The following PRKN variants were observed in gnomAD, a reference collection of about 807,000 sequenced individuals.
PRKN encodes the protein E3 ubiquitin-protein ligase parkin.
PRKN carries 56 observed loss-of-function variants against 59.5 expected under a neutral mutation model. The ratio of observed to expected loss-of-function variants is 0.94; its 90% CI spans 0.76 to 1.18. The LOEUF (loss-of-function observed/expected upper bound fraction) is 1.18. Ranked by LOEUF, PRKN falls within the 50% of genes most tolerant of loss-of-function variation. PRKN has a pLI of 0.00. For synonymous variants in PRKN, 250 were observed against 222.1 expected (o/e 1.13, Z -1.12); for missense variants, 657 against 596.4 (o/e 1.10, Z -1.06).
At chr6:162,388,198 T>C (rs1018516302) in intron 2 of PRKN, among the ~76,000 whole-genome samples, 2 of 152,092 alleles carry the variant, frequency 1.3e-5, no homozygotes, top group African/African-American at 2.4e-5. Flanking sequence ...AGGAGGGTGT[T>C]GGCAGCGACT....
chr6:161,960,143 C>T (rs1434361685), intron 6 of PRKN, among the ~76,000 whole-genome samples: 1 of 152,184 alleles, frequency 6.6e-6, no homozygotes, highest in African/African-American at 2.4e-5. Context: ...CGCTTTGGTG[C>T]CACCACACTG....
rs879537425 is a variant in PRKN at position 162,338,903 on chromosome 6, C to T, written c.172-76138G>A. On this transcript the variant is annotated intron_variant, in intron 2 of 11. Coordinates refer to ENST00000366898, the MANE Select transcript of PRKN (RefSeq NM_004562.3). The stretch of plus-strand genomic sequence containing the variant: ...GATGTGGGGAGCGCCTCTGCCCCGC[C>T]GCCCCATCTGGGATGTGAGGAGCGC... Among the ~76,000 whole-genome samples the T allele has an allele frequency of 1.7e-3, 255 of 150,940 alleles. 2 individuals carry two copies. The East Asian group carries it at 0.024, about 14-fold the overall frequency.
intron 1 of PRKN, among the ~76,000 whole-genome samples, chr6:162,563,598 T>C (rs1395275814): frequency 2.0e-5 from 3 of 152,192 alleles, no homozygotes; most frequent in Non-Finnish European, 2.9e-5. Flanking sequence ...AACTCTTCAA[T>C]GCCCAGACAC....
chr6:162,670,591 A>G lies in PRKN; in HGVS notation c.7+57071T>C, dbSNP rs138927453. ...GACAAATACTTCAGCAAAGCCACACAAAGAGGTCAAGCTCTTGTACCTCAG... is the reference window on the plus strand; with the variant it reads ...GACAAATACTTCAGCAAAGCCACACGAAGAGGTCAAGCTCTTGTACCTCAG... On this transcript the variant is annotated intron_variant, in intron 1 of 11. Coordinates refer to ENST00000366898, the MANE Select transcript of PRKN (RefSeq NM_004562.3). Among the ~76,000 whole-genome samples the G allele has an allele frequency of 5.0e-3, 754 of 152,300 alleles. 3 individuals are homozygous for G. Among genetic ancestry groups the G allele is most frequent in the Non-Finnish European group, 6.1e-3 (414 of 68,028 alleles).
intron 2 of PRKN, among the ~76,000 whole-genome samples, chr6:162,305,753 GTAT>G (rs764135410): frequency 2.6e-4 from 39 of 152,150 alleles, no homozygotes; most frequent in Non-Finnish European, 4.6e-4. Context: ...GTATTTTAAA[GTAT>G]TATTATCTGT....
At chr6:161,632,391 T>A (rs941020252) in intron 7 of PRKN, among the ~76,000 whole-genome samples, 1 of 152,204 alleles carries the variant, frequency 6.6e-6, no homozygotes, top group Non-Finnish European at 1.5e-5. Context: ...GTAACTATAG[T>A]GTAAATGGCA....
chr6:161,941,816 A>T (rs1023737180), intron 6 of PRKN, among the ~76,000 whole-genome samples: 5 of 152,144 alleles, frequency 3.3e-5, no homozygotes, highest in African/African-American at 1.2e-4. Context: ...CTGTTTCAAT[A>T]CCTGGTTATA....
chr6:162,620,177 C>G (rs1382660425), intron 1 of PRKN, among the ~76,000 whole-genome samples: 1 of 151,958 alleles, frequency 6.6e-6, no homozygotes, highest in Non-Finnish European at 1.5e-5. Context: ...TTGTATTTTA[C>G]TTTTATCTCC....
chr6:162,053,835 C>T (rs746173396), intron 5 of PRKN, among the ~76,000 whole-genome samples: 3 of 152,134 alleles, frequency 2.0e-5, no homozygotes, highest in Non-Finnish European at 2.9e-5. Flanking sequence ...TATAACTTTG[C>T]AATGAGTTTA....
intron 4 of PRKN, among the ~76,000 whole-genome samples, chr6:162,184,377 ATTAT>A (rs2128324088): frequency 6.6e-6 from 1 of 152,298 alleles, no homozygotes; most frequent in African/African-American, 2.4e-5. Context: ...TCCCCACCCA[ATTAT>A]TAGTTCCCAT....
At chr6:162,264,593 T>A (rs1363517273) in intron 2 of PRKN, 3 of 152,548 alleles carry the variant, frequency 2.0e-5, no homozygotes, top group Admixed American at 2.0e-4. Context: ...TCTTCTCTAC[T>A]CTTACACCCT....
In PRKN at chr6:161,454,399, A is replaced by G. The variant is rs1481881506; in HGVS notation, c.1084-67522T>C. Among the ~76,000 whole-genome samples, 1 of 151,956 alleles carries G rather than the reference A, an allele frequency of 6.6e-6. No individual in the cohort carries two copies. Among genetic ancestry groups the G allele is most frequent in the Non-Finnish European group, 1.5e-5 (1 of 67,986 alleles). ...GCTGGGGTTAGGGTGGCTTTGGGAAACCCTTGACTGCTTGAGGAATCCTTT... is the reference window on the plus strand; with the variant it reads ...GCTGGGGTTAGGGTGGCTTTGGGAAGCCCTTGACTGCTTGAGGAATCCTTT... On this transcript the variant is annotated intron_variant, in intron 9 of 11. Transcript: ENST00000366898. This position sits in a 1 kb window ranked among gnomAD's most constrained non-coding sequence, Gnocchi z 4.6.
rs551915060 is a variant in PRKN at position 162,139,158 on chromosome 6, C to T, written c.534+61973G>A. On this transcript the variant is annotated intron_variant, in intron 4 of 11. Coordinates refer to ENST00000366898, the MANE Select transcript of PRKN (RefSeq NM_004562.3). ...ACTGAAAAATGGAGTTGTATTCATG[C>T]ATATATTGTACATTTTGCTGTCACT... is the stretch of plus-strand genomic sequence containing the variant. Among the ~76,000 whole-genome samples the T allele has an allele frequency of 2.2e-4, 33 of 152,198 alleles. No individual in the cohort carries two copies. In the East Asian group the frequency reaches 4.6e-3, roughly 21 times the overall value.
rs1402531234 is a variant in PRKN, at chr6:161,369,628, AC to A, written c.1168-9424del. ...AGAATTCTGTGCCTGTCTACTGCTC[AC>A]CCGTGGCAGGAGGAATTGCATGCAT... is the stretch of plus-strand genomic sequence containing the variant. On this transcript the variant is annotated intron_variant, in intron 10 of 11. Transcript: ENST00000366898. This position sits in a 1 kb window ranked among gnomAD's most constrained non-coding sequence, Gnocchi z 5.8. Among the ~76,000 whole-genome samples the A allele has an allele frequency of 1.3e-5, 2 of 152,014 alleles. No homozygotes were observed. Among genetic ancestry groups the A allele is most frequent in the African/African-American group, 4.8e-5 (2 of 41,390 alleles).
intron 4 of PRKN, among the ~76,000 whole-genome samples, chr6:162,059,438 C>A (rs1778004356): frequency 6.6e-6 from 1 of 152,240 alleles, no homozygotes; most frequent in African/African-American, 2.4e-5. Flanking sequence ...GCAGATTTAA[C>A]TGTGCTCCTG....
At chr6:161,580,006 C>A (rs1019115831) in intron 7 of PRKN, among the ~76,000 whole-genome samples, 1 of 152,064 alleles carries the variant, frequency 6.6e-6, no homozygotes, top group African/African-American at 2.4e-5. Flanking sequence ...ATATAGCATC[C>A]CTGCTTTTAT....
chr6:161,700,404 T>C (rs1021921058), intron 7 of PRKN, among the ~76,000 whole-genome samples: 7 of 152,172 alleles, frequency 4.6e-5, no homozygotes, highest in Admixed American at 2.6e-4. Context: ...GTGGCCCTGA[T>C]AGAAGACCCT....
In PRKN at chr6:162,478,682, C is replaced by T. The variant is rs181319832; in HGVS notation, c.8-35209G>A. ...TGTTTTGGGAACACCACGGAAGGGA[C>T]TTACATAAACCCAGATGGTACAGGC... is the stretch of plus-strand genomic sequence containing the variant. On this transcript the variant is annotated intron_variant, in intron 1 of 11. Coordinates refer to ENST00000366898, the MANE Select transcript of PRKN (RefSeq NM_004562.3). Among the ~76,000 whole-genome samples, 122 of 152,258 alleles carry T rather than the reference C, an allele frequency of 8.0e-4. 1 individual carries two copies. The South Asian group carries it at 0.012, about 15-fold the overall frequency.
chr6:162,201,906 A>G (rs1784746304), intron 3 of PRKN, among the ~76,000 whole-genome samples: 2 of 152,194 alleles, frequency 1.3e-5, no homozygotes, highest in African/African-American at 2.4e-5. Context: ...GTAAAAGGTG[A>G]ACAAACAACT....
Sources: allele counts gnomAD v4.1 joint callset (sites outside exome capture counted in the v4.1 genomes callset), GRCh38; gene constraint gnomAD v4.1.1; non-coding constraint Gnocchi (gnomAD v3.1); transcripts MANE v1.5; gene names NCBI Gene and HGNC (gene_info 2026-07-23, HGNC 2026-07-21).